Variants in SHROOM3 observed in about 807,000 individuals in gnomAD.
SHROOM3 encodes the protein shroom family member 3, also known as protein Shroom3.
In SHROOM3, 47 loss-of-function variants were observed where a neutral mutation model predicts 138.6. The observed-to-expected ratio is 0.34, with a 90% CI of 0.27 to 0.43. The LOEUF is 0.43. Among genes scored for constraint, SHROOM3 ranks in the 20% least tolerant of loss-of-function variants. SHROOM3 has a pLI of 1.00. For missense variants in SHROOM3, 2,491 were observed against 2,596.5 expected, an observed-to-expected ratio of 0.96 and a Z score of 0.88; for synonymous variants, 1,062 against 1,063.3, an observed-to-expected ratio of 1.00 and a Z score of 0.02.
intron 2 of SHROOM3, among the ~76,000 whole-genome samples, chr4:76,592,054 C>T (rs1248734551): frequency 6.6e-6 from 1 of 152,096 alleles, no homozygotes; most frequent in Non-Finnish European, 1.5e-5. Context: ...GAGCGTATTG[C>T]AATTTTTTAG....
intron 1 of SHROOM3, among the ~76,000 whole-genome samples, chr4:76,549,203 C>T (rs1733293511): frequency 6.6e-6 from 1 of 152,088 alleles, no homozygotes; most frequent in Non-Finnish European, 1.5e-5. Context: ...TTGGTACAAA[C>T]TTACGATGTA....
At chr4:76,633,543 G>A (rs1252449862) in intron 2 of SHROOM3, among the ~76,000 whole-genome samples, 1 of 150,702 alleles carries the variant, frequency 6.6e-6, no homozygotes, top group African/African-American at 2.4e-5. Flanking sequence ...GTAAGTCCCA[G>A]CTATGCGGGA....
chr4:76,565,890 A>G (rs1288130666), intron 2 of SHROOM3, among the ~76,000 whole-genome samples: 2 of 152,028 alleles, frequency 1.3e-5, no homozygotes, highest in African/African-American at 2.4e-5. Flanking sequence ...CCGAGGCAGG[A>G]GGATCCCTTG....
At chr4:76,759,169 G>A (rs1243120842) in intron 8 of SHROOM3, among the ~76,000 whole-genome samples, 1 of 152,194 alleles carries the variant, frequency 6.6e-6, no homozygotes, top group East Asian at 1.9e-4. Flanking sequence ...GCAGCACCTT[G>A]AAAATACTTT....
intron 1 of SHROOM3, among the ~76,000 whole-genome samples, chr4:76,449,156 A>G (rs1482496107): frequency 4.6e-5 from 7 of 152,102 alleles, no homozygotes; most frequent in African/African-American, 1.2e-4. Flanking sequence ...CTCTTGTTCT[A>G]TAGGTTCTCT....
At chr4:76,447,118 G>T (rs1231595478) in intron 1 of SHROOM3, among the ~76,000 whole-genome samples, 1 of 152,090 alleles carries the variant, frequency 6.6e-6, no homozygotes, top group Non-Finnish European at 1.5e-5. Flanking sequence ...CTCATTCTTG[G>T]TTCCTGGAAA....
chr4:76,684,869 A>G (rs182843301), intron 2 of SHROOM3, among the ~76,000 whole-genome samples: 2 of 152,340 alleles, frequency 1.3e-5, no homozygotes, highest in Admixed American at 1.3e-4. Context: ...TGTTCACTAC[A>G]TGAAATAGAT....
chr4:76,542,732 C>T (rs1244690529), intron 1 of SHROOM3, among the ~76,000 whole-genome samples: 1 of 152,208 alleles, frequency 6.6e-6, no homozygotes, highest in African/African-American at 2.4e-5. Context: ...GACTTCTGAC[C>T]TCCAGAACTG....
chr4:76,740,855 C>T lies in SHROOM3; in HGVS notation c.2682C>T (p.Leu894=), dbSNP rs773713736. 3.8e-6 allele frequency: 6 copies of T among 1,565,166 alleles called. No individual in the cohort carries two copies. The highest frequency in any genetic ancestry group is 2.7e-5 in the African/African-American group (2 of 73,302). The change falls in exon 5 of 11, where the codon CTC becomes CTT. Residue 894 remains leucine (L), a synonymous_variant. Transcript: ENST00000296043. This position sits in a 1 kb window ranked among gnomAD's most constrained non-coding sequence, Gnocchi z 4.0. ...TCCGTAGCCAGAGCACCTTCCAGCT[C>T]TCCAGCGAGCCAGAGAGGGAGCCCG... ...RLLRSQSTFQ[L]SSEPEREPEW...
Position 76,739,362 on chromosome 4 carries a change from C to T in SHROOM3, c.1189C>T (p.His397Tyr). 2.5e-6 allele frequency: 4 copies of T among 1,614,102 alleles called. No individual in the cohort carries two copies. The highest frequency in any genetic ancestry group is 2.2e-5 in the East Asian group (1 of 44,884). The change falls in exon 5 of 11, where the codon CAC (histidine) becomes TAC (tyrosine). Residue 397 changes from histidine to tyrosine, a missense_variant. By Grantham distance (83) the His-to-Tyr change is moderately conservative (BLOSUM62 2). Coordinates refer to ENST00000296043, the MANE Select transcript of SHROOM3 (RefSeq NM_020859.4). ...ARSDSYAAFR[H>Y]RERPSSWSSL... Reference sequence around the variant, plus strand: ...GAGTGACAGTTACGCAGCATTTCGGCACCGTGAGCGGCCCAGCTCCTGGTC... The same window carrying T: ...GAGTGACAGTTACGCAGCATTTCGGTACCGTGAGCGGCCCAGCTCCTGGTC...
chr4:76,741,918 A>G lies in SHROOM3; in HGVS notation c.3745A>G (p.Lys1249Glu). Residue 1249 changes from lysine (K) to glutamate (E), a missense_variant, in exon 5 of 11, where the codon AAG (lysine) becomes GAG (glutamate). By Grantham distance (56) the Lys-to-Glu change is moderately conservative (BLOSUM62 1). Coordinates refer to ENST00000296043, the MANE Select transcript of SHROOM3 (RefSeq NM_020859.4). The surrounding 1 kb of genome is among the most constrained non-coding windows in gnomAD (Gnocchi z 6.2). ...CAGGTCATCTCCCGCCACCGCAGACAAGCGCCAGGTACGTGCAACCAGCAA... is the reference window on the plus strand; with the variant it reads ...CAGGTCATCTCCCGCCACCGCAGACGAGCGCCAGGTACGTGCAACCAGCAA... ...RSRSSPATADKRQDVLLGQDS... is the reference protein window; with the variant it reads ...RSRSSPATADERQDVLLGQDS... 1 of 1,612,246 alleles carries G rather than the reference A, an allele frequency of 6.2e-7. No homozygotes were observed. Among genetic ancestry groups the G allele is most frequent in the Non-Finnish European group, 8.5e-7 (1 of 1,179,902 alleles).
At chr4:76,742,250 CTT>C (rs560538694) in intron 5 of SHROOM3, 296 of 292,354 alleles carry the variant, frequency 1.0e-3, no homozygotes, top group South Asian at 1.8e-3. Flanking sequence ...TTGTTTTTTG[CTT>C]TTTTTTTTTT....
intron 3 of SHROOM3, among the ~76,000 whole-genome samples, chr4:76,711,827 A>G (rs1293886632): frequency 2.1e-5 from 3 of 145,510 alleles, no homozygotes; most frequent in Admixed American, 2.1e-4. Context: ...GTTCTTTGTT[A>G]GATTTCATTT....
In SHROOM3 at chr4:76,513,010, C is replaced by T. The variant is rs72866508; in HGVS notation, c.169-42599C>T. 4.5e-3 allele frequency among the ~76,000 whole-genome samples: 681 copies of T among 152,272 alleles called. 12 individuals carry two copies. Among genetic ancestry groups the T allele is most frequent in the African/African-American group, 0.016 (646 of 41,540 alleles). ...TTGTGAATTGCTTTGATGCTTGCACCGTGCCATCTCAGGCCTGCCATGGTG... is the reference window on the plus strand; with the variant it reads ...TTGTGAATTGCTTTGATGCTTGCACTGTGCCATCTCAGGCCTGCCATGGTG... On this transcript the variant is annotated intron_variant, in intron 1 of 10. Coordinates refer to ENST00000296043, the MANE Select transcript of SHROOM3 (RefSeq NM_020859.4).
chr4:76,676,629 G>A (rs1052055736), intron 2 of SHROOM3, among the ~76,000 whole-genome samples: 6 of 152,080 alleles, frequency 3.9e-5, no homozygotes, highest in Non-Finnish European at 2.9e-5. Flanking sequence ...TTAAGGAAAG[G>A]ATCGAAACCC....
At chr4:76,533,004 C>A (rs1272757292) in intron 1 of SHROOM3, among the ~76,000 whole-genome samples, 1 of 152,184 alleles carries the variant, frequency 6.6e-6, no homozygotes, top group Non-Finnish European at 1.5e-5. Context: ...ATACACTGGA[C>A]AAAGGGAGGA....
At chr4:76,599,988 ATT>A (rs113434073) in intron 2 of SHROOM3, among the ~76,000 whole-genome samples, 10 of 150,586 alleles carry the variant, frequency 6.6e-5, no homozygotes, top group African/African-American at 2.4e-4. Flanking sequence ...CTAAAAAAAC[ATT>A]TTTTTTTTAA....
intron 2 of SHROOM3, among the ~76,000 whole-genome samples, chr4:76,675,901 G>A (rs1719014145): frequency 1.3e-5 from 2 of 152,154 alleles, no homozygotes; most frequent in Admixed American, 6.5e-5. Context: ...AGATAGATAG[G>A]TAGGTAAGTA....
chr4:76,490,690 C>T (rs1038442993), intron 1 of SHROOM3, among the ~76,000 whole-genome samples: 23 of 152,232 alleles, frequency 1.5e-4, no homozygotes, highest in African/African-American at 5.3e-4. Flanking sequence ...AATTGTATTT[C>T]AGCAATTGAA....
Sources: gnomAD v4.1 joint callset for allele counts (sites outside exome capture counted in the v4.1 genomes callset) on GRCh38, gnomAD v4.1.1 for gene constraint, Gnocchi (gnomAD v3.1) non-coding constraint, MANE v1.5 for transcripts, NCBI Gene and HGNC (gene_info 2026-07-23, HGNC 2026-07-21) for gene names.